Variants in MYO5B observed in about 807,000 individuals in gnomAD.
The protein encoded by MYO5B is myosin VB.
MYO5B carries 143 observed loss-of-function variants against 229.3 expected under a neutral mutation model. The observed-to-expected ratio is 0.62, with a 90% CI of 0.54 to 0.72. The LOEUF (loss-of-function observed/expected upper bound fraction) is 0.72. Among genes scored for constraint, MYO5B ranks in the 30% least tolerant of loss-of-function variants. The probability of loss-of-function intolerance (pLI) is 0.00; values close to 1 mark genes in which losing one functional copy is unlikely to be tolerated. For missense variants in MYO5B, 2,321 were observed against 2,331.0 expected (o/e 1.00, Z 0.09); for synonymous variants, 918 against 885.2 (o/e 1.04, Z -0.66).
In MYO5B at chr18:49,847,140, C is replaced by A. The variant is rs1040151377; in HGVS notation, c.4459+6G>T. 8.1e-6 allele frequency: 13 copies of A among 1,613,876 alleles called. 1 individual carries two copies. Among genetic ancestry groups the A allele is most frequent in the Admixed American group, 1.7e-5 (1 of 59,982 alleles). On this transcript the variant is annotated splice_donor_region_variant and intron_variant, in intron 33 of 39. Transcript: ENST00000285039. ...GGCAGCATAGGGTGGCACAGAGGGT[C>A]CTTACCTGTCACCAGGTTCCGGATG...
At chr18:50,148,288 T>C (rs1404621249) in intron 1 of MYO5B, among the ~76,000 whole-genome samples, 1 of 150,188 alleles carries the variant, frequency 6.7e-6, no homozygotes, top group Non-Finnish European at 1.5e-5. Context: ...CTTCTGAAAC[T>C]ATTCCAATCA....
intron 21 of MYO5B, 22 bp from the exon 22 acceptor site, chr18:49,895,196 A>T: frequency 6.3e-7 from 1 of 1,592,472 alleles, no homozygotes; most frequent in Non-Finnish European, 8.6e-7. Flanking sequence ...ATCAGCAAAC[A>T]AGGAGAAGGG....
chr18:49,837,410 T>G, intron 37 of MYO5B, 107 bp downstream of exon 37: 1 of 1,363,808 alleles, frequency 7.3e-7, no homozygotes, highest in Non-Finnish European at 1.0e-6. Context: ...GGACTGTCAA[T>G]TAGATTTGGA....
chr18:50,165,985 T>C (rs990600440), intron 1 of MYO5B, among the ~76,000 whole-genome samples: 2 of 152,232 alleles, frequency 1.3e-5, no homozygotes, highest in African/African-American at 4.8e-5. Context: ...CCTCAAGGTT[T>C]GGATGGTTTG....
chr18:50,110,853 A>C (rs1215886398), intron 1 of MYO5B, among the ~76,000 whole-genome samples: 2 of 152,218 alleles, frequency 1.3e-5, no homozygotes, highest in African/African-American at 4.8e-5. Context: ...AAAATTAGAT[A>C]AAGGAGAAAG....
intron 1 of MYO5B, among the ~76,000 whole-genome samples, chr18:50,143,041 A>AGG (rs2032441958): frequency 6.6e-6 from 1 of 152,252 alleles, no homozygotes; most frequent in Admixed American, 6.5e-5. Context: ...TGTCCAGCCA[A>AGG]GGGGAATGTG....
intron 1 of MYO5B, among the ~76,000 whole-genome samples, chr18:50,167,909 T>C (rs2032875872): frequency 6.6e-6 from 1 of 152,178 alleles, no homozygotes; most frequent in African/African-American, 2.4e-5. Context: ...GAAACCTATG[T>C]ATTCACCATA....
At chr18:50,154,838 G>A (rs2032654623) in intron 1 of MYO5B, among the ~76,000 whole-genome samples, 1 of 152,146 alleles carries the variant, frequency 6.6e-6, no homozygotes, top group Admixed American at 6.5e-5. Context: ...TTAAAATCAG[G>A]TAGATACTCT....
chr18:49,993,633 G>A (rs2025955821), intron 5 of MYO5B, among the ~76,000 whole-genome samples: 1 of 152,154 alleles, frequency 6.6e-6, no homozygotes, highest in South Asian at 2.1e-4. Flanking sequence ...TCCGAGTATA[G>A]AGGATGCCAA....
chr18:49,872,303 T>C, intron 26 of MYO5B, 71 bp from the exon 27 acceptor site: 1 of 1,510,062 alleles, frequency 6.6e-7, no homozygotes, highest in Admixed American at 1.7e-5. Context: ...TTTCCAACTG[T>C]GGTCAAACTT....
At chr18:50,020,597 T>C (rs1026208218) in intron 4 of MYO5B, among the ~76,000 whole-genome samples, 3 of 152,166 alleles carry the variant, frequency 2.0e-5, no homozygotes, top group Non-Finnish European at 4.4e-5. Flanking sequence ...TTACCTACAA[T>C]GACCACAACA....
chr18:50,070,312 T>C lies in MYO5B; in HGVS notation c.28-14934A>G, dbSNP rs534637215. ...GTGCTGGGACTACAAGCGTGAGCTA[T>C]CGCGCCCAGCTGCAATTTACTCTTA... On this transcript the variant is annotated intron_variant, in intron 1 of 39. Coordinates refer to ENST00000285039, the MANE Select transcript of MYO5B (RefSeq NM_001080467.3). Among the ~76,000 whole-genome samples the C allele has an allele frequency of 1.5e-3, 224 of 152,120 alleles. 1 individual carries two copies. The highest frequency in any genetic ancestry group is 0.013 in the South Asian group (63 of 4,812).
In MYO5B at chr18:49,823,027, T is replaced by C. The variant is rs1351955746; in HGVS notation, c.*3444A>G. The C allele has an allele frequency of 1.3e-5, 2 of 152,204 alleles. No individual in the cohort carries two copies. The highest frequency in any genetic ancestry group is 2.9e-5 in the Non-Finnish European group (2 of 68,020). 9.4% of individuals were successfully genotyped at this position (152,204 alleles called of 1,614,324 possible). The stretch of plus-strand genomic sequence containing the variant: ...AGGCAGTCCTTCATCTAAATGTCAG[T>C]TGGTGGCAAAATGTTATATTCAAAT... On this transcript the variant is annotated 3_prime_UTR_variant, in exon 40 of 40. Transcript: ENST00000285039.
intron 35 of MYO5B, chr18:49,840,363 C>T (rs1419371320): frequency 6.6e-6 from 1 of 152,210 alleles, no homozygotes; most frequent in African/African-American, 2.4e-5. Flanking sequence ...ATAATAAAAG[C>T]AGGCCATCAA....
At chr18:49,855,820 C>T (rs544816882) in intron 30 of MYO5B, among the ~76,000 whole-genome samples, 51 of 152,304 alleles carry the variant, frequency 3.3e-4, no homozygotes, top group African/African-American at 1.2e-3. Context: ...TGCAACAGTA[C>T]CTCTACTACA....
intron 23 of MYO5B, chr18:49,879,491 CT>C: frequency 3.9e-6 from 1 of 257,554 alleles, no homozygotes; most frequent in Middle Eastern, 1.4e-3. Context: ...TTAAAGGCGA[CT>C]GGGGTAAAAG....
At chr18:50,050,321 A>C (rs530013699) in intron 2 of MYO5B, among the ~76,000 whole-genome samples, 14 of 152,290 alleles carry the variant, frequency 9.2e-5, no homozygotes, top group African/African-American at 3.4e-4. Flanking sequence ...TTTAAGTTGC[A>C]CTGAGTACAC....
intron 31 of MYO5B, among the ~76,000 whole-genome samples, chr18:49,853,243 G>A (rs551814532): frequency 2.0e-3 from 298 of 152,318 alleles, no homozygotes; most frequent in African/African-American, 6.2e-3. Context: ...CCCAGCCAAC[G>A]ACAAGGCCCC....
At chr18:49,884,845 T>G (rs1445671863) in intron 22 of MYO5B, among the ~76,000 whole-genome samples, 3 of 152,020 alleles carry the variant, frequency 2.0e-5, no homozygotes, top group Non-Finnish European at 2.9e-5. Context: ...AATAGACATT[T>G]CTCCAAAGAA....
Sources: gnomAD v4.1 joint callset for allele counts (sites outside exome capture counted in the v4.1 genomes callset) on GRCh38, gnomAD v4.1.1 for gene constraint, MANE v1.5 for transcripts, NCBI Gene and HGNC (gene_info 2026-07-23, HGNC 2026-07-21) for gene names.